ARHGAP42: variants seen among roughly 807,000 people sequenced by gnomAD.
ARHGAP42 encodes rho GTPase-activating protein 42.
A neutral mutation model predicts 125.0 loss-of-function variants in ARHGAP42; 63 were observed. That is an observed-to-expected ratio of 0.50 (90% CI 0.41 to 0.62). The LOEUF (loss-of-function observed/expected upper bound fraction) is 0.62. Among genes scored for constraint, ARHGAP42 ranks in the 20% least tolerant of loss-of-function variants. The pLI is 0.00. For synonymous variants in ARHGAP42, 339 were observed against 351.0 expected (o/e 0.97, Z 0.38); for missense variants, 766 against 1,024.2 (o/e 0.75, Z 3.44).
At chr11:100,862,612 A>G (rs1223153633) in intron 4 of ARHGAP42, among the ~76,000 whole-genome samples, 1 of 152,164 alleles carries the variant, frequency 6.6e-6, no homozygotes, top group Admixed American at 6.5e-5. Context: ...GAGCATTAAT[A>G]TTATTGCATT....
intron 4 of ARHGAP42, among the ~76,000 whole-genome samples, chr11:100,879,413 C>T (rs1156947070): frequency 6.6e-6 from 1 of 152,208 alleles, no homozygotes. Flanking sequence ...ACTTCTCCAC[C>T]TGTACCACCC....
At chr11:100,788,068 A>G (rs1863477142) in intron 2 of ARHGAP42, among the ~76,000 whole-genome samples, 1 of 152,098 alleles carries the variant, frequency 6.6e-6, no homozygotes, top group South Asian at 2.1e-4. Flanking sequence ...CTTATTTCCT[A>G]ATACTTAATT....
intron 3 of ARHGAP42, among the ~76,000 whole-genome samples, chr11:100,841,051 A>G (rs1242096164): frequency 6.6e-6 from 1 of 152,164 alleles, no homozygotes; most frequent in Non-Finnish European, 1.5e-5. Context: ...GATTCATTTG[A>G]TAGGTGTGCC....
chr11:100,787,605 A>G (rs1863466867), intron 2 of ARHGAP42, among the ~76,000 whole-genome samples: 1 of 152,190 alleles, frequency 6.6e-6, no homozygotes, highest in South Asian at 2.1e-4. Context: ...GTGGTTTGGC[A>G]GGCAATGTTG....
chr11:100,963,705 C>T (rs1157558978), intron 16 of ARHGAP42, among the ~76,000 whole-genome samples: 1 of 152,142 alleles, frequency 6.6e-6, no homozygotes, highest in African/African-American at 2.4e-5. Flanking sequence ...ACATACAGGA[C>T]CAGAAAAAAT....
intron 6 of ARHGAP42, among the ~76,000 whole-genome samples, chr11:100,924,608 A>G (rs995027725): frequency 2.0e-5 from 3 of 151,976 alleles, no homozygotes; most frequent in Non-Finnish European, 4.4e-5. Context: ...TGGAGGTTGC[A>G]GTGATCCGAA....
intron 3 of ARHGAP42, among the ~76,000 whole-genome samples, chr11:100,827,002 CTTTTTTTTTTTTTT>C (rs869260353): frequency 1.2e-5 from 1 of 80,886 alleles, no homozygotes; most frequent in Non-Finnish European, 2.3e-5. Flanking sequence ...GCCTTACATC[CTTTTTTTTTTTTTT>C]TTTTTTTTTT....
At chr11:100,902,831 G>A (rs1866588956) in intron 4 of ARHGAP42, among the ~76,000 whole-genome samples, 1 of 152,182 alleles carries the variant, frequency 6.6e-6, no homozygotes. Flanking sequence ...ATGACTGCCA[G>A]AGGGACCAGG....
intron 3 of ARHGAP42, among the ~76,000 whole-genome samples, chr11:100,800,121 A>G (rs1863816765): frequency 6.6e-6 from 1 of 152,218 alleles, no homozygotes; most frequent in Non-Finnish European, 1.5e-5. Context: ...GGAATACCCA[A>G]TACTGAACTG....
chr11:100,753,991 C>T (rs1012851914), intron 1 of ARHGAP42, among the ~76,000 whole-genome samples: 2 of 152,230 alleles, frequency 1.3e-5, no homozygotes, highest in Non-Finnish European at 2.9e-5. Flanking sequence ...AATTTCAACT[C>T]AATATTTTGT....
chr11:100,752,757 T>G (rs1862489833), intron 1 of ARHGAP42, among the ~76,000 whole-genome samples: 1 of 152,222 alleles, frequency 6.6e-6, no homozygotes, highest in South Asian at 2.1e-4. Context: ...ATTCTGGTTG[T>G]AATAGTAATG....
chr11:100,840,830 C>T (rs564634242), intron 3 of ARHGAP42, among the ~76,000 whole-genome samples: 3 of 152,146 alleles, frequency 2.0e-5, no homozygotes, highest in South Asian at 2.1e-4. Flanking sequence ...AGGTTATCAT[C>T]GAGTGAAGAA....
chr11:100,761,380 G>A (rs1462146849), intron 1 of ARHGAP42, among the ~76,000 whole-genome samples: 6 of 152,194 alleles, frequency 3.9e-5, no homozygotes, highest in Non-Finnish European at 7.3e-5. Context: ...TCTAGAGAAC[G>A]ACATTGTGCC....
At chr11:100,900,937 G>A (rs946685899) in intron 4 of ARHGAP42, among the ~76,000 whole-genome samples, 4 of 152,086 alleles carry the variant, frequency 2.6e-5, no homozygotes, top group Admixed American at 1.3e-4. Context: ...CATTGCTGAC[G>A]AGGAGCTGCG....
intron 3 of ARHGAP42, chr11:100,840,753 C>T (rs1022007249): frequency 3.9e-5 from 6 of 152,024 alleles, no homozygotes; most frequent in African/African-American, 1.5e-4. Flanking sequence ...GATGAAGCGC[C>T]TAATTGTTTC....
rs1189554876 is a variant in ARHGAP42, at chr11:100,948,330, G to A, written c.1044-127G>A. The A allele has an allele frequency of 7.2e-6, 5 of 697,174 alleles. No individual in the cohort carries two copies. In the South Asian group the frequency reaches 8.2e-5, roughly 11 times the overall value. The allele number at this position is 697,174 out of a possible 1,614,324, so 43.2% of individuals were successfully genotyped here. The stretch of plus-strand genomic sequence containing the variant: ...TTTTCTTTTTTAGAAAAATTCCTAT[G>A]TTTTTCTCCTCTGTCTTCATTTCTC... On this transcript the variant is annotated intron_variant, in intron 10 of 23. Transcript: ENST00000298815.
At chr11:100,950,058 T>C (rs1224547815) in intron 12 of ARHGAP42, 102 bp downstream of exon 12, 2 of 616,482 alleles carry the variant, frequency 3.2e-6, no homozygotes, top group Non-Finnish European at 5.1e-6. Context: ...TATAACACCA[T>C]TGATCTCATG....
At chr11:100,978,714 C>T (rs1858454891) in intron 21 of ARHGAP42, among the ~76,000 whole-genome samples, 1 of 152,242 alleles carries the variant, frequency 6.6e-6, no homozygotes, top group Middle Eastern at 3.4e-3. Context: ...CCTTTTACTG[C>T]TCCCATGGTT....
intron 1 of ARHGAP42, among the ~76,000 whole-genome samples, chr11:100,759,108 T>C (rs943847758): frequency 7.2e-5 from 11 of 152,168 alleles, no homozygotes; most frequent in Non-Finnish European, 1.5e-4. Context: ...GTTGAGATTG[T>C]AGGTTAGCAG....
Sources: gnomAD v4.1 joint callset for allele counts (sites outside exome capture counted in the v4.1 genomes callset) on GRCh38, gnomAD v4.1.1 for gene constraint, MANE v1.5 for transcripts, NCBI Gene and HGNC (gene_info 2026-07-23, HGNC 2026-07-21) for gene names.